Variants in KCNMB4 observed in about 807,000 individuals in gnomAD.
The protein encoded by KCNMB4 is calcium-activated potassium channel subunit beta-4.
KCNMB4 carries 3 observed loss-of-function variants against 20.7 expected under a neutral mutation model. The observed-to-expected ratio is 0.14, with a 90% CI of 0.07 to 0.37. The LOEUF (loss-of-function observed/expected upper bound fraction) is 0.37. Ranked by LOEUF, KCNMB4 falls within the 10% of genes least tolerant of loss-of-function variation. KCNMB4 has a pLI of 1.00. For missense variants in KCNMB4, 168 were observed against 265.9 expected (o/e 0.63, Z 2.56); for synonymous variants, 110 against 113.4 (o/e 0.97, Z 0.19).
In KCNMB4 at chr12:70,366,664, A is replaced by T; in HGVS notation, c.-71A>T. ...TGGCGGCGGCGGCTCCTCCCGCCCG[A>T]GGCAGTCGGGCTCGGCGCCGGGGGC... On this transcript the variant is annotated 5_prime_UTR_variant, in exon 1 of 3. Transcript: ENST00000258111. 2.8e-6 allele frequency: 3 copies of T among 1,090,850 alleles called. No homozygotes were observed. The highest frequency in any genetic ancestry group is 3.5e-6 in the Non-Finnish European group (3 of 868,078). The allele number at this position is 1,090,850 out of a possible 1,614,324, so 67.6% of individuals were successfully genotyped here.
At chr12:70,396,432 A>G (rs921585940) in intron 1 of KCNMB4, among the ~76,000 whole-genome samples, 21 of 152,140 alleles carry the variant, frequency 1.4e-4, no homozygotes, top group African/African-American at 4.6e-4. Flanking sequence ...CAGCCTCCCA[A>G]GTAGCTGGGA....
Position 70,427,190 on chromosome 12 carries a change from G to T in KCNMB4, c.465-3295G>T, listed in dbSNP as rs1314444635. ...ATAATTACGGCAAATTGAATTCTAA[G>T]CCCAAACCCCTTTGCAAATAGTTTT... On this transcript the variant is annotated intron_variant, in intron 2 of 2. Transcript: ENST00000258111. Among the ~76,000 whole-genome samples the T allele has an allele frequency of 2.0e-5, 3 of 152,104 alleles. No individual in the cohort carries two copies. In the East Asian group the frequency reaches 5.8e-4, roughly 29 times the overall value.
rs767144236 is a variant in KCNMB4, at chr12:70,430,573, G to A, written c.553G>A (p.Val185Ile). 5 of 1,613,946 alleles carry A rather than the reference G, an allele frequency of 3.1e-6. No individual in the cohort carries two copies. The East Asian group carries it at 6.7e-5, about 22-fold the overall frequency. The change falls in exon 3 of 3, where the codon GTT (valine) becomes ATT (isoleucine). Residue 185 changes from valine (V) to isoleucine (I), a missense_variant. By Grantham distance (29) the Val-to-Ile change is conservative. Coordinates refer to ENST00000258111, the MANE Select transcript of KCNMB4 (RefSeq NM_014505.6). ...LWPLVTFVVG[V>I]LIVVLTICAK... ...GCCCCTGGTGACATTTGTGGTGGGC[G>A]TTCTCATTGTGGTCCTGACCATCTG...
intron 1 of KCNMB4, among the ~76,000 whole-genome samples, chr12:70,375,863 A>G (rs1042682724): frequency 4.6e-5 from 7 of 152,106 alleles, no homozygotes; most frequent in African/African-American, 1.4e-4. Context: ...GGATTTTTGC[A>G]TTTATATTTA....
chr12:70,386,211 G>A (rs561493800), intron 1 of KCNMB4, among the ~76,000 whole-genome samples: 2 of 152,158 alleles, frequency 1.3e-5, no homozygotes, highest in South Asian at 4.2e-4. Context: ...ACCTCATCTT[G>A]TAAGTCTGAG....
intron 1 of KCNMB4, among the ~76,000 whole-genome samples, chr12:70,393,845 A>G (rs1868326196): frequency 6.6e-6 from 1 of 151,946 alleles, no homozygotes; most frequent in African/African-American, 2.4e-5. Context: ...CCTCCAAGGC[A>G]CATTAGATGA....
chr12:70,380,086 T>C (rs145167258), intron 1 of KCNMB4, among the ~76,000 whole-genome samples: 385 of 152,358 alleles, frequency 2.5e-3, no homozygotes, highest in African/African-American at 8.9e-3. Context: ...AGCTTAGTCA[T>C]TTCTAGTTTT....
chr12:70,427,039 T>C (rs1171162929), intron 2 of KCNMB4, among the ~76,000 whole-genome samples: 2 of 152,220 alleles, frequency 1.3e-5, no homozygotes, highest in Non-Finnish European at 2.9e-5. Context: ...TTTTTGCTTA[T>C]TGTCCACATA....
intron 1 of KCNMB4, among the ~76,000 whole-genome samples, chr12:70,388,310 T>C (rs984173284): frequency 1.3e-5 from 2 of 152,182 alleles, no homozygotes; most frequent in Non-Finnish European, 2.9e-5. Flanking sequence ...GTTTCTTTGA[T>C]ATACTGATTT....
rs1391535562 is a variant in KCNMB4 at position 70,430,908 on chromosome 12, A to G, written c.*255A>G. On this transcript the variant is annotated 3_prime_UTR_variant, in exon 3 of 3. Coordinates refer to ENST00000258111, the MANE Select transcript of KCNMB4 (RefSeq NM_014505.6). Reference sequence around the variant, plus strand: ...TGGAGTAACTATTTCAGAAAACCCTATAAGAAGTTCATTTTCTTTCAAAAG... The same window carrying G: ...TGGAGTAACTATTTCAGAAAACCCTGTAAGAAGTTCATTTTCTTTCAAAAG... 2.2e-5 allele frequency: 8 copies of G among 361,854 alleles called. No homozygotes were observed. The highest frequency in any genetic ancestry group is 4.3e-5 in the African/African-American group (2 of 46,960). 22.4% of individuals were successfully genotyped at this position (361,854 alleles called of 1,614,324 possible).
At position 70,400,909 on chromosome 12, in the gene KCNMB4, C is replaced by T. The variant is rs117144242; in HGVS notation, c.464+573C>T. 2.2e-3 allele frequency among the ~76,000 whole-genome samples: 339 copies of T among 152,332 alleles called. 1 individual carries two copies. The highest frequency in any genetic ancestry group is 3.7e-3 in the Non-Finnish European group (249 of 68,032). On this transcript the variant is annotated intron_variant, in intron 2 of 2. Transcript: ENST00000258111. Reference sequence around the variant, plus strand: ...GTTACCGCAAACCTTCACTTGCTCCCATAATCTCTGTCTTAGAAAATGGCA... The same window carrying T: ...GTTACCGCAAACCTTCACTTGCTCCTATAATCTCTGTCTTAGAAAATGGCA...
intron 2 of KCNMB4, among the ~76,000 whole-genome samples, chr12:70,420,575 A>G (rs953604874): frequency 2.6e-5 from 4 of 152,158 alleles, no homozygotes; most frequent in African/African-American, 9.7e-5. Context: ...CCCTGCTGAC[A>G]CCTTCATTTT....
chr12:70,389,454 G>A (rs1162130690), intron 1 of KCNMB4, among the ~76,000 whole-genome samples: 5 of 152,118 alleles, frequency 3.3e-5, no homozygotes, highest in African/African-American at 1.2e-4. Flanking sequence ...AGCACTTTGG[G>A]AGGCTGAGGC....
intron 2 of KCNMB4, among the ~76,000 whole-genome samples, chr12:70,413,224 AG>A (rs1263492548): frequency 6.6e-6 from 1 of 152,216 alleles, no homozygotes; most frequent in East Asian, 1.9e-4. Flanking sequence ...TACATTTGAG[AG>A]TCTGTTTTCT....
At chr12:70,397,819 C>T (rs892601078) in intron 1 of KCNMB4, among the ~76,000 whole-genome samples, 1 of 152,212 alleles carries the variant, frequency 6.6e-6, no homozygotes, top group Middle Eastern at 3.4e-3. Flanking sequence ...TCTTTCCTAA[C>T]GCACTTAGTA....
At chr12:70,384,873 CA>C (rs57306622) in intron 1 of KCNMB4, among the ~76,000 whole-genome samples, 14,226 of 74,722 alleles carry the variant, frequency 0.19, 335 homozygotes, top group South Asian at 0.23. Flanking sequence ...GACCCTGTCT[CA>C]AAAAAAAAAA....
At chr12:70,403,020 T>C (rs1471415566) in intron 2 of KCNMB4, among the ~76,000 whole-genome samples, 2 of 152,128 alleles carry the variant, frequency 1.3e-5, no homozygotes, top group African/African-American at 4.8e-5. Context: ...ACAATCAGAA[T>C]CAACCCCTGA....
At chr12:70,383,096 A>C (rs1495345) in intron 1 of KCNMB4, among the ~76,000 whole-genome samples, 86,645 of 152,074 alleles carry the variant, frequency 0.57, 26,007 homozygotes, top group African/African-American at 0.77. Flanking sequence ...ATGAGACCAC[A>C]GTCATAAATG....
At chr12:70,371,920 T>C (rs1039605157) in intron 1 of KCNMB4, among the ~76,000 whole-genome samples, 1 of 151,906 alleles carries the variant, frequency 6.6e-6, no homozygotes, top group African/African-American at 2.4e-5. Context: ...ATAAAGAAAA[T>C]TTGGGCAGGA....
Sources: gnomAD v4.1 joint callset for allele counts (sites outside exome capture counted in the v4.1 genomes callset) on GRCh38, gnomAD v4.1.1 for gene constraint, MANE v1.5 for transcripts, NCBI Gene and HGNC (gene_info 2026-07-23, HGNC 2026-07-21) for gene names.